The following HSD17B13 variants were observed in gnomAD, a reference collection of about 807,000 sequenced individuals.
HSD17B13 encodes the protein 17-beta-hydroxysteroid dehydrogenase 13.
A neutral mutation model predicts 31.1 loss-of-function variants in HSD17B13; 26 were observed. The ratio of observed to expected loss-of-function variants is 0.84; its 90% CI spans 0.61 to 1.16. The LOEUF (loss-of-function observed/expected upper bound fraction) is 1.16. HSD17B13 is among the 50% of genes most tolerant of loss of function. The pLI is 0.00. For synonymous variants in HSD17B13, 141 were observed against 133.7 expected (o/e 1.05, Z -0.38); for missense variants, 374 against 366.5 (o/e 1.02, Z -0.17).
At chr4:87,305,937 A>T (rs1013808150) in intron 6 of HSD17B13, among the ~76,000 whole-genome samples, 1 of 152,192 alleles carries the variant, frequency 6.6e-6, no homozygotes, top group African/African-American at 2.4e-5. Context: ...GTACGTTAAT[A>T]ATCGTAACCA....
At chr4:87,317,576 T>TC (rs1463208119) in intron 2 of HSD17B13, among the ~76,000 whole-genome samples, 1 of 127,294 alleles carries the variant, frequency 7.9e-6, no homozygotes, top group African/African-American at 3.2e-5. Flanking sequence ...TTTTTTTTTT[T>TC]TTTTTTTTTT....
In HSD17B13 at chr4:87,313,879, G is replaced by A; in HGVS notation, c.639C>T (p.Thr213=). 6.2e-7 allele frequency: 1 copy of A among 1,611,512 alleles called. No individual in the cohort carries two copies. Residue 213 remains threonine (T), a synonymous_variant, in exon 5 of 7, where the codon ACC becomes ACT. Transcript: ENST00000328546. ...LQALGKTGIK[T]SCLCPVFVNT... The stretch of plus-strand genomic sequence containing the variant: ...TCACAAAAACTGGGCAGAGACATGA[G>A]GTTTTGATACCAGTTTTTCCCAAGG...
Position 87,322,661 on chromosome 4 carries a change from T to C in HSD17B13, c.181A>G (p.Ser61Gly). 2 of 1,613,972 alleles carry C rather than the reference T, an allele frequency of 1.2e-6. No individual in the cohort carries two copies. Among genetic ancestry groups the C allele is most frequent in the Non-Finnish European group, 1.7e-6 (2 of 1,179,820 alleles). ...TTAATATCCCACAGAACCAATATGC[T>C]CTGTCGTTTTGCAAATTCATAAGTA... ...QTTYEFAKRQ[S>G]ILVLWDINKR... Residue 61 changes from serine to glycine, a missense_variant, in exon 1 of 7, where the codon AGC becomes GGC. Coordinates refer to ENST00000328546, the MANE Select transcript of HSD17B13 (RefSeq NM_178135.5).
intron 6 of HSD17B13, among the ~76,000 whole-genome samples, chr4:87,307,646 T>C (rs113164364): frequency 4.1e-4 from 62 of 152,214 alleles, no homozygotes; most frequent in African/African-American, 1.3e-3. Context: ...GTATTACAGG[T>C]GCAGGCCACT....
intron 1 of HSD17B13, among the ~76,000 whole-genome samples, chr4:87,319,434 G>C (rs548810254): frequency 6.6e-6 from 1 of 152,176 alleles, no homozygotes; most frequent in Non-Finnish European, 1.5e-5. Context: ...ATTGCTCTTC[G>C]TGGTGTCATG....
intron 6 of HSD17B13, among the ~76,000 whole-genome samples, chr4:87,306,186 A>G (rs1269239459): frequency 6.6e-6 from 1 of 152,202 alleles, no homozygotes; most frequent in Non-Finnish European, 1.5e-5. Flanking sequence ...AATTGGATGC[A>G]AATATAAATA....
chr4:87,306,308 C>T (rs189927103), intron 6 of HSD17B13, among the ~76,000 whole-genome samples: 3 of 152,290 alleles, frequency 2.0e-5, no homozygotes, highest in Non-Finnish European at 4.4e-5. Flanking sequence ...ATGCTAAAAG[C>T]TCACCAAGAG....
Position 87,318,584 on chromosome 4 carries a change from G to C in HSD17B13, c.211-148C>G, listed in dbSNP as rs540277898. ...GTTGGCCGAGGAGGGCGGATCACGA[G>C]GTCAGGAGTTCAAGACCAGCCTGGC... is the stretch of plus-strand genomic sequence containing the variant. On this transcript the variant is annotated intron_variant, in intron 1 of 6. Transcript: ENST00000328546. 886 of 611,462 alleles carry C rather than the reference G, an allele frequency of 1.4e-3. 6 individuals carry two copies. The highest frequency in any genetic ancestry group is 0.014 in the African/African-American group (762 of 54,302). 37.9% of individuals were successfully genotyped at this position (611,462 alleles called of 1,614,324 possible).
In HSD17B13 at chr4:87,322,685, T is replaced by TA; in HGVS notation, c.156dup (p.Thr53TyrfsTer3). On this transcript the variant is annotated frameshift_variant, in exon 1 of 7. Transcript: ENST00000328546. LOFTEE classifies it high-confidence loss of function. ...CTCTGTCGTTTTGCAAATTCATAAG[T>TA]AGTCTGCCTGCCTATTCCATGCCCA... The TA allele has an allele frequency of 6.2e-7, 1 of 1,614,160 alleles. No individual in the cohort carries two copies. Among genetic ancestry groups the TA allele is most frequent in the South Asian group, 1.1e-5 (1 of 91,080 alleles).
At chr4:87,315,064 G>A (rs1013439219) in intron 4 of HSD17B13, among the ~76,000 whole-genome samples, 3 of 152,074 alleles carry the variant, frequency 2.0e-5, no homozygotes, top group Non-Finnish European at 4.4e-5. Context: ...ACATAAGGCC[G>A]ATTCATGCTG....
intron 1 of HSD17B13, among the ~76,000 whole-genome samples, chr4:87,321,817 A>T (rs1024770039): frequency 4.6e-5 from 7 of 152,252 alleles, no homozygotes; most frequent in Non-Finnish European, 1.0e-4. Flanking sequence ...AATGGTAATT[A>T]AAACCACTGT....
chr4:87,310,501 C>T, intron 5 of HSD17B13, 142 bp from the exon 6 acceptor site: 2 of 945,852 alleles, frequency 2.1e-6, no homozygotes, highest in Non-Finnish European at 1.4e-6. Flanking sequence ...TGCATTAATG[C>T]CACCCTACCC....
intron 1 of HSD17B13, among the ~76,000 whole-genome samples, chr4:87,319,300 C>CAAACAAAACA (rs59346205): frequency 6.6e-6 from 1 of 151,976 alleles, no homozygotes; most frequent in Non-Finnish European, 1.5e-5. Flanking sequence ...AAAACCAAAA[C>CAAACAAAACA]AAACAAAACA....
intron 5 of HSD17B13, 33 bp from the exon 6 acceptor site, chr4:87,310,392 T>C (rs760433775): frequency 7.5e-7 from 1 of 1,326,120 alleles, no homozygotes; most frequent in Non-Finnish European, 9.7e-7. Flanking sequence ...ATTATTTTTA[T>C]TTTCTAAAAT....
At position 87,303,966 on chromosome 4, in the gene HSD17B13, A is replaced by T. The variant is rs1282933368; in HGVS notation, c.*1252T>A. 1.3e-5 allele frequency: 2 copies of T among 152,140 alleles called. No individual in the cohort carries two copies. The highest frequency in any genetic ancestry group is 2.9e-5 in the Non-Finnish European group (2 of 68,032). The allele number at this position is 152,140 out of a possible 1,614,324, so 9.4% of individuals were successfully genotyped here. On this transcript the variant is annotated 3_prime_UTR_variant, in exon 7 of 7. Transcript: ENST00000328546. ...ATTCTATAATACATGTGAAAAACAC[A>T]CAAAACAAGATTAGTCTTGATGTAG... is the stretch of plus-strand genomic sequence containing the variant.
At position 87,303,886 on chromosome 4, in the gene HSD17B13, T is replaced by C. The variant is rs1734321985; in HGVS notation, c.*1332A>G. 6.6e-6 allele frequency: 1 copy of C among 152,150 alleles called. No individual in the cohort carries two copies. The highest frequency in any genetic ancestry group is 1.5e-5 in the Non-Finnish European group (1 of 68,026). The allele number at this position is 152,150 out of a possible 1,614,324, so 9.4% of individuals were successfully genotyped here. A position where few individuals can be genotyped will look rare whatever the true frequency, so the allele number is the denominator to read the frequency against. On this transcript the variant is annotated 3_prime_UTR_variant, in exon 7 of 7. Coordinates refer to ENST00000328546, the MANE Select transcript of HSD17B13 (RefSeq NM_178135.5). ...ATTTTTAGTGAATTGTTTTTGTGAC[T>C]TTTAAAAAAATCATTTGTTTTTAAT...
intron 6 of HSD17B13, among the ~76,000 whole-genome samples, chr4:87,308,507 A>T (rs1578436657): frequency 2.1e-5 from 2 of 95,432 alleles, no homozygotes; most frequent in African/African-American, 1.1e-4. Flanking sequence ...AAAAAAAAAA[A>T]AAAAAAAAAA....
chr4:87,311,752 T>G (rs1414159644), intron 5 of HSD17B13, among the ~76,000 whole-genome samples: 1 of 152,174 alleles, frequency 6.6e-6, no homozygotes, highest in Non-Finnish European at 1.5e-5. Flanking sequence ...TGTTAAAACT[T>G]CATTCCCTGG....
intron 2 of HSD17B13, 120 bp from the exon 3 acceptor site, chr4:87,317,343 C>G (rs1734675049): frequency 3.2e-6 from 3 of 942,920 alleles, no homozygotes; most frequent in Middle Eastern, 2.3e-4. Flanking sequence ...AGAGTTCAGG[C>G]AAGACAGACT....
Sources: gnomAD v4.1 joint callset for allele counts (sites outside exome capture counted in the v4.1 genomes callset) on GRCh38, gnomAD v4.1.1 for gene constraint, MANE v1.5 for transcripts, NCBI Gene and HGNC (gene_info 2026-07-23, HGNC 2026-07-21) for gene names.